The following CNTN5 variants were observed in gnomAD, a reference collection of about 807,000 sequenced individuals.
CNTN5 encodes contactin 5.
A neutral mutation model predicts 129.1 loss-of-function variants in CNTN5; 77 were observed. The observed-to-expected ratio is 0.60, with a 90% CI of 0.50 to 0.72. The LOEUF (loss-of-function observed/expected upper bound fraction) is 0.72, where lower values mean the gene tolerates loss of function less well. CNTN5 is among the 30% of genes least tolerant of loss of function. The pLI, the probability that CNTN5 is intolerant of heterozygous loss-of-function variation, is 0.00. For synonymous variants in CNTN5, 509 were observed against 465.6 expected (o/e 1.09, Z -1.20); for missense variants, 1,478 against 1,328.8 (o/e 1.11, Z -1.75).
At chr11:99,317,143 G>T (rs1038854382) in intron 1 of CNTN5, among the ~76,000 whole-genome samples, 6 of 152,170 alleles carry the variant, frequency 3.9e-5, no homozygotes, top group African/African-American at 1.4e-4. Flanking sequence ...ATTGGGCTTA[G>T]GGGAGATTAT....
intron 7 of CNTN5, among the ~76,000 whole-genome samples, chr11:99,938,452 T>C (rs1252377310): frequency 2.0e-5 from 3 of 152,158 alleles, no homozygotes; most frequent in Non-Finnish European, 4.4e-5. Context: ...AGATTTATTC[T>C]TGGAGCAATC....
At chr11:99,645,548 C>T (rs889323372) in intron 3 of CNTN5, among the ~76,000 whole-genome samples, 2 of 151,848 alleles carry the variant, frequency 1.3e-5, no homozygotes, top group African/African-American at 4.8e-5. Flanking sequence ...TGGAACCAAC[C>T]CAAATGTCCA....
At chr11:100,121,957 GAC>G (rs551407151) in intron 13 of CNTN5, among the ~76,000 whole-genome samples, 22 of 152,116 alleles carry the variant, frequency 1.4e-4, no homozygotes, top group Non-Finnish European at 2.6e-4. Context: ...TGGATAGGCA[GAC>G]ATAGAGACAG....
chr11:100,333,419 A>AAAAC (rs998087971), intron 21 of CNTN5, among the ~76,000 whole-genome samples: 2 of 150,068 alleles, frequency 1.3e-5, no homozygotes, highest in African/African-American at 4.9e-5. Flanking sequence ...AAAAAAAAAA[A>AAAAC]AAAAAAAAAA....
chr11:99,995,355 A>G (rs1939376360), intron 8 of CNTN5, among the ~76,000 whole-genome samples: 1 of 152,104 alleles, frequency 6.6e-6, no homozygotes, highest in African/African-American at 2.4e-5. Context: ...TACCACAAAG[A>G]GCAAAGATAA....
At chr11:99,024,331 T>C (rs1264993498) in intron 1 of CNTN5, among the ~76,000 whole-genome samples, 5 of 152,136 alleles carry the variant, frequency 3.3e-5, no homozygotes. Flanking sequence ...AGTTAATTAT[T>C]TTATTTAAAT....
At chr11:99,791,337 G>A (rs990784272) in intron 3 of CNTN5, among the ~76,000 whole-genome samples, 1 of 151,930 alleles carries the variant, frequency 6.6e-6, no homozygotes, top group East Asian at 1.9e-4. Context: ...ATAAGAAAGG[G>A]GTCCAGTTTT....
chr11:100,284,895 T>C (rs1320322208), intron 18 of CNTN5, among the ~76,000 whole-genome samples: 2 of 152,216 alleles, frequency 1.3e-5, no homozygotes, highest in South Asian at 2.1e-4. Context: ...ATTGCACCTA[T>C]AATGAAAGGT....
chr11:99,408,093 GT>G (rs1942172156), intron 2 of CNTN5, among the ~76,000 whole-genome samples: 1 of 152,030 alleles, frequency 6.6e-6, no homozygotes, highest in African/African-American at 2.4e-5. Flanking sequence ...TTAAATTAGT[GT>G]CCTTGGCAGG....
At chr11:99,107,175 T>G (rs1265870160) in intron 1 of CNTN5, among the ~76,000 whole-genome samples, 1 of 152,152 alleles carries the variant, frequency 6.6e-6, no homozygotes, top group Non-Finnish European at 1.5e-5. Flanking sequence ...ATGATGCCCC[T>G]AGCATATTGA....
At chr11:99,467,689 C>A (rs577031412) in intron 2 of CNTN5, among the ~76,000 whole-genome samples, 1 of 152,244 alleles carries the variant, frequency 6.6e-6, no homozygotes, top group Non-Finnish European at 1.5e-5. Flanking sequence ...CAGGATTGGG[C>A]AGGCTCTTGA....
chr11:99,732,485 T>A (rs1486972013), intron 3 of CNTN5, among the ~76,000 whole-genome samples: 1 of 152,090 alleles, frequency 6.6e-6, no homozygotes, highest in East Asian at 1.9e-4. Flanking sequence ...AAAATAAGCC[T>A]TAAATTTAGA....
At chr11:99,409,628 C>G (rs1397929650) in intron 2 of CNTN5, among the ~76,000 whole-genome samples, 1 of 152,052 alleles carries the variant, frequency 6.6e-6, no homozygotes, top group Non-Finnish European at 1.5e-5. Flanking sequence ...GATGAAGAAA[C>G]AAAGGCTTTG....
At chr11:99,850,291 T>A (rs1231975740) in intron 6 of CNTN5, among the ~76,000 whole-genome samples, 3 of 152,128 alleles carry the variant, frequency 2.0e-5, no homozygotes, top group Admixed American at 2.0e-4. Flanking sequence ...AAAGCTACAT[T>A]TTCTAAATGA....
chr11:99,599,213 A>G (rs1051158018), intron 3 of CNTN5, among the ~76,000 whole-genome samples: 1 of 152,006 alleles, frequency 6.6e-6, no homozygotes. Context: ...AGATATCTAC[A>G]TTCTGAGGCA....
intron 7 of CNTN5, among the ~76,000 whole-genome samples, chr11:99,941,078 T>A (rs962182412): frequency 5.3e-5 from 8 of 152,124 alleles, no homozygotes; most frequent in Non-Finnish European, 8.8e-5. Context: ...GTTTCATTAA[T>A]TTTCTCTCCC....
chr11:99,397,673 C>A (rs957742893), intron 2 of CNTN5, among the ~76,000 whole-genome samples: 2 of 151,552 alleles, frequency 1.3e-5, no homozygotes, highest in Admixed American at 1.3e-4. Context: ...TTGAAATACT[C>A]TCATGTTTGT....
At chr11:99,098,004 A>C (rs1435479462) in intron 1 of CNTN5, among the ~76,000 whole-genome samples, 2 of 152,058 alleles carry the variant, frequency 1.3e-5, no homozygotes. Flanking sequence ...CTAAATTTTA[A>C]GCCTCAATAA....
intron 21 of CNTN5, among the ~76,000 whole-genome samples, chr11:100,338,276 G>C (rs1357759986): frequency 6.6e-6 from 1 of 152,172 alleles, no homozygotes; most frequent in Non-Finnish European, 1.5e-5. Flanking sequence ...TCATTCTTGA[G>C]ATCAGAGCCT....
Sources: allele counts gnomAD v4.1 joint callset (sites outside exome capture counted in the v4.1 genomes callset), GRCh38; gene constraint gnomAD v4.1.1; transcripts MANE v1.5; gene names NCBI Gene and HGNC (gene_info 2026-07-23, HGNC 2026-07-21).